The following ZNF423 variants were observed in gnomAD, a reference collection of about 807,000 sequenced individuals.
ZNF423 encodes the protein Ebf-associated zinc finger protein.
In ZNF423, 12 loss-of-function variants were observed where a neutral mutation model predicts 95.8. That is an observed-to-expected ratio of 0.13 (90% confidence interval 0.08 to 0.20). The LOEUF (loss-of-function observed/expected upper bound fraction) is 0.20, where lower values mean the gene tolerates loss of function less well. Ranked by LOEUF, ZNF423 falls within the 10% of genes least tolerant of loss-of-function variation. The pLI is 1.00. For missense variants in ZNF423, 1,316 were observed against 1,737.1 expected (o/e 0.76, Z 4.31); for synonymous variants, 749 against 711.9 (o/e 1.05, Z -0.83).
At chr16:49,830,719 G>A (rs901407018) in intron 1 of ZNF423, among the ~76,000 whole-genome samples, 5 of 152,256 alleles carry the variant, frequency 3.3e-5, no homozygotes, top group South Asian at 2.1e-4. Context: ...AGACAAATCC[G>A]AGGGCACCAG....
chr16:49,833,777 T>A (rs1420672), intron 1 of ZNF423, among the ~76,000 whole-genome samples: 26,246 of 149,754 alleles, frequency 0.18, 2,833 homozygotes, highest in Middle Eastern at 0.27. Context: ...TACTTGTTTT[T>A]CAGGGATTTC....
At position 49,636,318 on chromosome 16, in the gene ZNF423, A is replaced by G. The variant is rs1238199139; in HGVS notation, c.2858T>C (p.Leu953Pro). Residue 953 changes from leucine (L) to proline (P), a missense_variant, in exon 4 of 8, where the codon CTA (leucine) becomes CCA (proline). Coordinates refer to ENST00000563137, the MANE Select transcript of ZNF423 (RefSeq NM_001379286.1). The surrounding 1 kb of genome is among the most constrained non-coding windows in gnomAD (Gnocchi z 8.6). ...CCGGTGCGTCTGCAGGTGCTCCCGT[A>G]GCCCGTTCTCCGAGAAGAAAGTCCG... ...CSRTFFSENG[L>P]REHLQTHRGP... The G allele has an allele frequency of 6.2e-7, 1 of 1,612,724 alleles. No homozygotes were observed. Among genetic ancestry groups the G allele is most frequent in the Admixed American group, 1.7e-5 (1 of 60,020 alleles).
At chr16:49,514,064 G>A (rs967707528) in intron 7 of ZNF423, among the ~76,000 whole-genome samples, 4 of 151,684 alleles carry the variant, frequency 2.6e-5, no homozygotes, top group Non-Finnish European at 5.9e-5. Flanking sequence ...CCCCAAATCT[G>A]CTTGGGCCTC....
chr16:49,815,639 C>G (rs2034824725), intron 1 of ZNF423, among the ~76,000 whole-genome samples: 1 of 151,872 alleles, frequency 6.6e-6, no homozygotes, highest in South Asian at 2.1e-4. Flanking sequence ...AACCTTGAGG[C>G]CTTCAGGGCC....
chr16:49,788,975 G>A (rs1016634492), intron 2 of ZNF423, among the ~76,000 whole-genome samples: 4 of 152,178 alleles, frequency 2.6e-5, no homozygotes, highest in South Asian at 2.1e-4. Context: ...GAGCTTATGC[G>A]GGGATCCTGA....
intron 1 of ZNF423, among the ~76,000 whole-genome samples, chr16:49,805,752 G>A (rs2034652717): frequency 6.6e-6 from 1 of 152,132 alleles, no homozygotes; most frequent in East Asian, 1.9e-4. Flanking sequence ...TGGACTCTTC[G>A]AGTCTTTATT....
Position 49,789,472 on chromosome 16 carries a change from C to T in ZNF423, c.100+15G>A. 1 of 1,611,002 alleles carries T rather than the reference C, an allele frequency of 6.2e-7. No individual in the cohort carries two copies. Among genetic ancestry groups the T allele is most frequent in the Non-Finnish European group, 8.5e-7 (1 of 1,178,992 alleles). ...GGACCCCCTGCAACTCTTCCACCAG[C>T]CCCCGGGCATTTACCTGCTGCTGTC... On this transcript the variant is annotated intron_variant, in intron 2 of 7. Transcript: ENST00000563137.
chr16:49,765,670 T>A lies in ZNF423; in HGVS notation c.100+23817A>T, dbSNP rs2033916573. On this transcript the variant is annotated intron_variant, in intron 2 of 7. Transcript: ENST00000563137. ...AGGAAGTCGAGGCTGCAGTTTGCCATGATCGCGCCACTGCACTCCAGCCTG... is the reference window on the plus strand; with the variant it reads ...AGGAAGTCGAGGCTGCAGTTTGCCAAGATCGCGCCACTGCACTCCAGCCTG... 1.3e-5 allele frequency among the ~76,000 whole-genome samples: 2 copies of A among 152,166 alleles called. 1 individual carries two copies. Among genetic ancestry groups the A allele is most frequent in the South Asian group, 4.2e-4 (2 of 4,816 alleles).
At chr16:49,621,662 C>G (rs891881202) in intron 5 of ZNF423, among the ~76,000 whole-genome samples, 1 of 152,158 alleles carries the variant, frequency 6.6e-6, no homozygotes, top group East Asian at 1.9e-4. Context: ...GGGACTTTTA[C>G]CCCCGTCAGC....
intron 5 of ZNF423, among the ~76,000 whole-genome samples, chr16:49,558,564 G>A (rs1291809805): frequency 6.6e-6 from 1 of 152,112 alleles, no homozygotes; most frequent in Non-Finnish European, 1.5e-5. Context: ...GACCCATCAA[G>A]AGGCCCAGGT....
At chr16:49,567,479 AG>A (rs1970229084) in intron 5 of ZNF423, among the ~76,000 whole-genome samples, 1 of 152,130 alleles carries the variant, frequency 6.6e-6, no homozygotes, top group South Asian at 2.1e-4. Flanking sequence ...AGACCCCAGA[AG>A]GGTTCAAAAG....
At chr16:49,771,192 C>CTTTTTTT (rs71380376) in intron 2 of ZNF423, among the ~76,000 whole-genome samples, 8 of 89,434 alleles carry the variant, frequency 8.9e-5, no homozygotes, top group Admixed American at 2.9e-4. Context: ...TTTTTTTTTT[C>CTTTTTTT]TTTTTTTTTT....
chr16:49,856,465 C>A (rs2144146223), upstream of ZNF423, among the ~76,000 whole-genome samples: 2 of 149,046 alleles, frequency 1.3e-5, no homozygotes, highest in Middle Eastern at 7.0e-3. Context: ...TATCCCCTGC[C>A]GCACAAAAAA....
intron 3 of ZNF423, among the ~76,000 whole-genome samples, chr16:49,689,415 G>A (rs577441010): frequency 8.4e-4 from 128 of 152,146 alleles, no homozygotes; most frequent in African/African-American, 3.0e-3. Flanking sequence ...TGGCACCACT[G>A]CACTCCAGCC....
At chr16:49,609,031 G>A (rs1398568615) in intron 5 of ZNF423, among the ~76,000 whole-genome samples, 1 of 152,158 alleles carries the variant, frequency 6.6e-6, no homozygotes, top group Non-Finnish European at 1.5e-5. Context: ...TGGGGAGCCT[G>A]GACTCCCCTC....
chr16:49,807,909 A>G (rs2034690569), intron 1 of ZNF423, among the ~76,000 whole-genome samples: 1 of 152,224 alleles, frequency 6.6e-6, no homozygotes. Flanking sequence ...AACTCCTGCC[A>G]GGAGGACACA....
intron 7 of ZNF423, among the ~76,000 whole-genome samples, chr16:49,505,282 T>G (rs1397519392): frequency 6.6e-6 from 1 of 152,178 alleles, no homozygotes; most frequent in Non-Finnish European, 1.5e-5. Context: ...ACAGAACACA[T>G]ATGTTCAGGT....
chr16:49,844,758 C>T (rs936312391), intron 1 of ZNF423, among the ~76,000 whole-genome samples: 6 of 152,108 alleles, frequency 3.9e-5, no homozygotes, highest in African/African-American at 7.2e-5. Flanking sequence ...TAAATATTGG[C>T]GAGGCCCTGT....
intron 5 of ZNF423, among the ~76,000 whole-genome samples, chr16:49,544,695 G>A (rs1045136032): frequency 6.6e-6 from 1 of 152,244 alleles, no homozygotes; most frequent in African/African-American, 2.4e-5. Flanking sequence ...TGCTTGCAGG[G>A]GCTGAAGGCT....
Sources: gnomAD v4.1 joint callset for allele counts (sites outside exome capture counted in the v4.1 genomes callset) on GRCh38, gnomAD v4.1.1 for gene constraint, Gnocchi (gnomAD v3.1) non-coding constraint, MANE v1.5 for transcripts, NCBI Gene and HGNC (gene_info 2026-07-23, HGNC 2026-07-21) for gene names.